Variants in CCSER1 observed in about 807,000 individuals in gnomAD.
CCSER1 encodes serine-rich coiled-coil domain-containing protein 1.
A neutral mutation model predicts 82.0 loss-of-function variants in CCSER1; 41 were observed. The ratio of observed to expected loss-of-function variants is 0.50; its 90% confidence interval spans 0.39 to 0.65. The LOEUF (loss-of-function observed/expected upper bound fraction) is 0.65, where lower values mean the gene tolerates loss of function less well. Among genes scored for constraint, CCSER1 ranks in the 30% least tolerant of loss-of-function variants. The pLI is 0.00. For missense variants in CCSER1, 1,119 were observed against 1,064.2 expected (o/e 1.05, Z -0.72); for synonymous variants, 414 against 383.9 (o/e 1.08, Z -0.92).
At chr4:90,315,208 G>A (rs1302672229) in intron 3 of CCSER1, among the ~76,000 whole-genome samples, 1 of 151,924 alleles carries the variant, frequency 6.6e-6, no homozygotes, top group Non-Finnish European at 1.5e-5. Flanking sequence ...GTTCCTTTGA[G>A]GCCTTATATT....
chr4:91,535,805 C>T (rs952071539), intron 10 of CCSER1, among the ~76,000 whole-genome samples: 3 of 152,016 alleles, frequency 2.0e-5, no homozygotes, highest in African/African-American at 4.8e-5. Context: ...TGAATTTTAA[C>T]TTAATAAGAC....
chr4:90,904,757 C>A (rs1244975894), intron 8 of CCSER1, among the ~76,000 whole-genome samples: 1 of 152,064 alleles, frequency 6.6e-6, no homozygotes, highest in African/African-American at 2.4e-5. Flanking sequence ...AGCCCAGATA[C>A]TAGCAGTATT....
chr4:91,579,587 G>C (rs991195244), intron 10 of CCSER1, among the ~76,000 whole-genome samples: 23 of 151,792 alleles, frequency 1.5e-4, no homozygotes, highest in African/African-American at 5.3e-4. Flanking sequence ...CTGATGGAAA[G>C]AAAGGGTGAG....
intron 3 of CCSER1, among the ~76,000 whole-genome samples, chr4:90,339,953 A>G (rs1184815111): frequency 1.3e-5 from 2 of 152,040 alleles, no homozygotes; most frequent in Non-Finnish European, 2.9e-5. Flanking sequence ...CAGGGCATCA[A>G]ACAAAGAAAG....
chr4:90,604,364 C>G (rs1784371791), intron 5 of CCSER1, among the ~76,000 whole-genome samples: 1 of 152,090 alleles, frequency 6.6e-6, no homozygotes, highest in African/African-American at 2.4e-5. Flanking sequence ...GATGTAAAGA[C>G]TTGAATTTGA....
chr4:90,656,883 A>G (rs532659149), intron 6 of CCSER1, among the ~76,000 whole-genome samples: 3 of 152,144 alleles, frequency 2.0e-5, no homozygotes, highest in South Asian at 4.2e-4. Flanking sequence ...AAATGAACAC[A>G]TGTAATTTTC....
intron 5 of CCSER1, among the ~76,000 whole-genome samples, chr4:90,483,647 G>T (rs565129322): frequency 1.2e-4 from 19 of 152,258 alleles, no homozygotes; most frequent in Middle Eastern, 3.4e-3. Context: ...AGTTTGGCTG[G>T]ATATGAAATT....
intron 5 of CCSER1, among the ~76,000 whole-genome samples, chr4:90,616,275 A>G (rs1318462748): frequency 6.6e-6 from 1 of 152,144 alleles, no homozygotes; most frequent in Non-Finnish European, 1.5e-5. Context: ...ATGCCTGTAT[A>G]CCAAAATTAT....
intron 5 of CCSER1, among the ~76,000 whole-genome samples, chr4:90,591,627 G>A (rs1053028828): frequency 5.3e-5 from 8 of 152,102 alleles, no homozygotes; most frequent in East Asian, 1.9e-4. Flanking sequence ...ATGGTGTAGC[G>A]ATTCCTCAAG....
At chr4:90,868,046 A>T in intron 8 of CCSER1, among the ~76,000 whole-genome samples, 1 of 151,906 alleles carries the variant, frequency 6.6e-6, no homozygotes, top group Admixed American at 6.6e-5. Context: ...TTTTCTTTTT[A>T]AAAAATTTTT....
At chr4:90,565,834 TCC>T (rs1292303946) in intron 5 of CCSER1, among the ~76,000 whole-genome samples, 1 of 152,026 alleles carries the variant, frequency 6.6e-6, no homozygotes, top group Non-Finnish European at 1.5e-5. Flanking sequence ...TGTTGAACTA[TCC>T]TTTCATCACT....
intron 8 of CCSER1, among the ~76,000 whole-genome samples, chr4:90,867,423 A>G (rs971283400): frequency 1.3e-5 from 2 of 152,136 alleles, no homozygotes; most frequent in East Asian, 1.9e-4. Context: ...CGTAGTTGCT[A>G]TATATGTTTA....
chr4:90,334,428 TA>T (rs1739981424), intron 3 of CCSER1, among the ~76,000 whole-genome samples: 1 of 152,010 alleles, frequency 6.6e-6, no homozygotes, highest in African/African-American at 2.4e-5. Context: ...TAGGTTAGAG[TA>T]AAAAATACTT....
chr4:90,848,411 A>G (rs1561242209), intron 8 of CCSER1, among the ~76,000 whole-genome samples: 1 of 152,244 alleles, frequency 6.6e-6, no homozygotes, highest in Non-Finnish European at 1.5e-5. Flanking sequence ...AAAGGGTAGT[A>G]TAAATATCTT....
At chr4:90,341,042 G>C (rs1358444975) in intron 3 of CCSER1, among the ~76,000 whole-genome samples, 1 of 152,068 alleles carries the variant, frequency 6.6e-6, no homozygotes, top group Non-Finnish European at 1.5e-5. Flanking sequence ...GCTGTAAAGA[G>C]AGCTGTGATA....
chr4:90,587,677 A>T (rs1782189095), intron 5 of CCSER1, among the ~76,000 whole-genome samples: 1 of 152,308 alleles, frequency 6.6e-6, no homozygotes, highest in Non-Finnish European at 1.5e-5. Context: ...TGTCCCTACA[A>T]CCTGTACTTT....
intron 6 of CCSER1, among the ~76,000 whole-genome samples, chr4:90,629,544 A>T (rs1723968120): frequency 6.6e-6 from 1 of 152,184 alleles, no homozygotes; most frequent in Non-Finnish European, 1.5e-5. Context: ...TGCCCCCATG[A>T]TTCAGTTATC....
intron 9 of CCSER1, among the ~76,000 whole-genome samples, chr4:91,006,376 AAC>A (rs1254323751): frequency 4.7e-5 from 2 of 42,708 alleles, no homozygotes; most frequent in African/African-American, 1.1e-4. Flanking sequence ...CACTAGTTCT[AAC>A]AGTTTTTTTG....
In CCSER1 at chr4:91,135,801, G is replaced by T. The variant is rs558187537; in HGVS notation, c.2217+49807G>T. Among the ~76,000 whole-genome samples, 7 of 152,182 alleles carry T rather than the reference G, an allele frequency of 4.6e-5. No individual in the cohort carries two copies. In the East Asian group the frequency reaches 1.4e-3, roughly 29 times the overall value. On this transcript the variant is annotated intron_variant, in intron 10 of 10. Coordinates refer to ENST00000509176, the MANE Select transcript of CCSER1 (RefSeq NM_001145065.2). ...TAGGGAACCTGGGTGCAGCATGAAG[G>T]GAGTTGGTTGTATTATTTTCACAAC...
Sources: allele counts gnomAD v4.1 joint callset (sites outside exome capture counted in the v4.1 genomes callset), GRCh38; gene constraint gnomAD v4.1.1; transcripts MANE v1.5; gene names NCBI Gene and HGNC (gene_info 2026-07-23, HGNC 2026-07-21).